NCBP3: variants seen among roughly 807,000 people sequenced by gnomAD.
NCBP3 encodes the protein nuclear cap-binding protein subunit 3.
Under a neutral mutation model 75.7 loss-of-function variants are expected in NCBP3, and 20 were observed. The observed-to-expected ratio is 0.26, with a 90% CI of 0.19 to 0.38. The LOEUF (loss-of-function observed/expected upper bound fraction) is 0.38. NCBP3 is among the 10% of genes least tolerant of loss of function. The pLI is 1.00. For missense variants in NCBP3, 678 were observed against 796.9 expected, an observed-to-expected ratio of 0.85 and a Z score of 1.80; for synonymous variants, 293 against 290.5, an observed-to-expected ratio of 1.01 and a Z score of -0.09.
In NCBP3 at chr17:3,806,006, C is replaced by T. The variant is rs1567573863; in HGVS notation, c.*7038G>A. 6.6e-6 allele frequency: 1 copy of T among 152,296 alleles called. No homozygotes were observed. Among genetic ancestry groups the T allele is most frequent in the Non-Finnish European group, 1.5e-5 (1 of 68,130 alleles). 9.4% of individuals were successfully genotyped at this position (152,296 alleles called of 1,614,324 possible). A position where few individuals can be genotyped will look rare whatever the true frequency, so the allele number is the denominator to read the frequency against. On this transcript the variant is annotated 3_prime_UTR_variant, in exon 13 of 13. Coordinates refer to ENST00000389005, the MANE Select transcript of NCBP3 (RefSeq NM_001114118.3). ...AGATGCTGCCTGCCTCTCACAGGCC[C>T]TGAGGAGAAGATGGCCACATCACAG...
chr17:3,821,797 C>T (rs1021560274), intron 8 of NCBP3, among the ~76,000 whole-genome samples, 156 bp downstream of exon 8: 9 of 152,212 alleles, frequency 5.9e-5, no homozygotes, highest in Non-Finnish European at 1.2e-4. Flanking sequence ...AACTACAATT[C>T]AGCATTCCCC....
intron 3 of NCBP3, among the ~76,000 whole-genome samples, chr17:3,833,255 A>G (rs2053916607): frequency 6.6e-6 from 1 of 152,164 alleles, no homozygotes; most frequent in Non-Finnish European, 1.5e-5. Flanking sequence ...TTTGTTTCAA[A>G]AGAAAAAACC....
chr17:3,812,395 T>C lies in NCBP3; in HGVS notation c.*649A>G, dbSNP rs2053433377. The C allele has an allele frequency of 1.9e-6, 1 of 531,604 alleles. No homozygotes were observed. 32.9% of individuals were successfully genotyped at this position (531,604 alleles called of 1,614,324 possible). On this transcript the variant is annotated 3_prime_UTR_variant, in exon 13 of 13. Coordinates refer to ENST00000389005, the MANE Select transcript of NCBP3 (RefSeq NM_001114118.3). Reference sequence around the variant, plus strand: ...CCTAAAAATCCCACAGCACTGAACTTGATCTTCACATCAAGCTGACAGCAC... The same window carrying C: ...CCTAAAAATCCCACAGCACTGAACTCGATCTTCACATCAAGCTGACAGCAC...
Position 3,818,409 on chromosome 17 carries a change from C to A in NCBP3, c.1164G>T (p.Ala388=). 1.2e-6 allele frequency: 2 copies of A among 1,614,152 alleles called. No individual in the cohort carries two copies. Among genetic ancestry groups the A allele is most frequent in the African/African-American group, 1.3e-5 (1 of 75,032 alleles). The change falls in exon 10 of 13, where the codon GCG becomes GCT. Residue 388 remains alanine (A), a synonymous_variant. Transcript: ENST00000389005. The surrounding 1 kb of genome is among the most constrained non-coding windows in gnomAD (Gnocchi z 4.7). ...PALKQPRERS[A]SRRSSASSSD... is the part of the protein sequence containing the mutation. ...AGCTGCTGGCACTGGATCGTCTAGA[C>A]GCGCTCCGCTCCCGGGGCTGCTTGA...
intron 11 of NCBP3, among the ~76,000 whole-genome samples, chr17:3,815,722 T>C (rs1010270153): frequency 3.9e-5 from 6 of 152,322 alleles, no homozygotes; most frequent in Middle Eastern, 3.4e-3. Context: ...TTATACCGTA[T>C]TAGGTATTGT....
At chr17:3,841,730 G>A (rs191357580) in intron 2 of NCBP3, among the ~76,000 whole-genome samples, 27 of 150,134 alleles carry the variant, frequency 1.8e-4, no homozygotes, top group African/African-American at 6.4e-4. Flanking sequence ...CTACTCGGGA[G>A]GCTGAGGCAG....
At chr17:3,814,694 T>C (rs77306680) in intron 11 of NCBP3, among the ~76,000 whole-genome samples, 2,269 of 152,230 alleles carry the variant, frequency 0.015, 55 homozygotes, top group African/African-American at 0.052. Context: ...AATCCTCAAC[T>C]GATTACTCCA....
At chr17:3,820,725 G>A (rs2143656197) in intron 9 of NCBP3, among the ~76,000 whole-genome samples, 1 of 152,354 alleles carries the variant, frequency 6.6e-6, no homozygotes, top group Middle Eastern at 3.4e-3. Flanking sequence ...AAGGTCAGGA[G>A]TTCGAGACCA....
chr17:3,825,279 T>C (rs2053763356), intron 6 of NCBP3, among the ~76,000 whole-genome samples: 1 of 152,212 alleles, frequency 6.6e-6, no homozygotes, highest in Non-Finnish European at 1.5e-5. Context: ...CATTGCCACC[T>C]GACACAGTAT....
In NCBP3 at chr17:3,805,332, C is replaced by A. The variant is rs188520297; in HGVS notation, c.*7712G>T. 2.6e-5 allele frequency: 4 copies of A among 152,344 alleles called. No individual in the cohort carries two copies. The highest frequency in any genetic ancestry group is 9.6e-5 in the African/African-American group (4 of 41,554). 9.4% of individuals were successfully genotyped at this position (152,344 alleles called of 1,614,324 possible). A position where few individuals can be genotyped will look rare whatever the true frequency, so the allele number is the denominator to read the frequency against. Reference sequence around the variant, plus strand: ...AATGCAGACTGGGATCTCCACATGACCAGGTGCTGTGGACTGAACTGTAAA... The same window carrying A: ...AATGCAGACTGGGATCTCCACATGAACAGGTGCTGTGGACTGAACTGTAAA... On this transcript the variant is annotated 3_prime_UTR_variant, in exon 13 of 13. Transcript: ENST00000389005.
chr17:3,832,897 T>G (rs986665925), intron 3 of NCBP3, among the ~76,000 whole-genome samples: 3 of 152,196 alleles, frequency 2.0e-5, no homozygotes, highest in Non-Finnish European at 4.4e-5. Flanking sequence ...GTGGCCAGAC[T>G]AATTCAGTTG....
Position 3,846,027 on chromosome 17 carries a change from A to C in NCBP3, c.183+14T>G. 2 of 1,539,346 alleles carry C rather than the reference A, an allele frequency of 1.3e-6. No individual in the cohort carries two copies. Among genetic ancestry groups the C allele is most frequent in the East Asian group, 2.6e-5 (1 of 38,968 alleles). On this transcript the variant is annotated intron_variant, in intron 1 of 12. Transcript: ENST00000389005. The surrounding 1 kb of genome is among the most constrained non-coding windows in gnomAD (Gnocchi z 4.6). ...CCCGCGACCTCTTCCTTACCCCCCG[A>C]CCCCCGCCCGTACCGGGATCAGTTC...
Position 3,807,751 on chromosome 17 carries a change from T to A in NCBP3, c.*5293A>T, listed in dbSNP as rs1475287438. ...CAGAGGATGGAGCCACTCCTGAGGC[T>A]GGAGGGTTTACAAACTCATCCCATC... On this transcript the variant is annotated 3_prime_UTR_variant, in exon 13 of 13. Transcript: ENST00000389005. 6.6e-6 allele frequency: 1 copy of A among 152,182 alleles called. No individual in the cohort carries two copies. The highest frequency in any genetic ancestry group is 2.4e-5 in the African/African-American group (1 of 41,428). The allele number at this position is 152,182 out of a possible 1,614,324, so 9.4% of individuals were successfully genotyped here. A position where few individuals can be genotyped will look rare whatever the true frequency, so the allele number is the denominator to read the frequency against.
At chr17:3,813,425 G>A (rs2053462426) in intron 12 of NCBP3, 146 bp from the exon 13 acceptor site, 2 of 1,028,892 alleles carry the variant, frequency 1.9e-6, no homozygotes, top group East Asian at 2.5e-5. Flanking sequence ...CCTTGGGCAG[G>A]CAAAATCTCA....
chr17:3,803,753 T>A lies in NCBP3; in HGVS notation c.*9291A>T, dbSNP rs2053303490. 1 of 152,224 alleles carries A rather than the reference T, an allele frequency of 6.6e-6. No homozygotes were observed. Among genetic ancestry groups the A allele is most frequent in the Admixed American group, 6.5e-5 (1 of 15,278 alleles). The allele number at this position is 152,224 out of a possible 1,614,324, so 9.4% of individuals were successfully genotyped here. ...TAAAAAATTTTTTTCTTTCTCCCCTTGATACCAGGAAGAATAAAGTTTTTA... is the reference window on the plus strand; with the variant it reads ...TAAAAAATTTTTTTCTTTCTCCCCTAGATACCAGGAAGAATAAAGTTTTTA... On this transcript the variant is annotated 3_prime_UTR_variant, in exon 13 of 13. Coordinates refer to ENST00000389005, the MANE Select transcript of NCBP3 (RefSeq NM_001114118.3).
At chr17:3,816,501 T>G (rs1486647029) in intron 10 of NCBP3, among the ~76,000 whole-genome samples, 1 of 152,258 alleles carries the variant, frequency 6.6e-6, no homozygotes, top group Non-Finnish European at 1.5e-5. Flanking sequence ...TTTCCACATG[T>G]GTATGTGCTA....
intron 3 of NCBP3, among the ~76,000 whole-genome samples, chr17:3,834,243 A>T (rs1380150808): frequency 6.6e-6 from 1 of 152,228 alleles, no homozygotes; most frequent in African/African-American, 2.4e-5. Flanking sequence ...TGCTGACCAT[A>T]GACTGTCCAG....
At chr17:3,843,228 G>T in intron 1 of NCBP3, 77 bp from the exon 2 acceptor site, 1 of 1,139,380 alleles carries the variant, frequency 8.8e-7, no homozygotes, top group Non-Finnish European at 1.2e-6. Flanking sequence ...CCTGACATCT[G>T]CAGGTTCTTT....
chr17:3,821,218 G>C, intron 9 of NCBP3, 31 bp downstream of exon 9: 2 of 1,470,292 alleles, frequency 1.4e-6, no homozygotes, highest in South Asian at 1.1e-5. Flanking sequence ...AGCCAAACAT[G>C]TGTCTACCCA....
Sources: allele counts gnomAD v4.1 joint callset (sites outside exome capture counted in the v4.1 genomes callset), GRCh38; gene constraint gnomAD v4.1.1; non-coding constraint Gnocchi (gnomAD v3.1); transcripts MANE v1.5; gene names NCBI Gene and HGNC (gene_info 2026-07-23, HGNC 2026-07-21).